The following CARMIL1 variants were observed in gnomAD, a reference collection of about 807,000 sequenced individuals.
The protein encoded by CARMIL1 is F-actin-uncapping protein LRRC16A.
A neutral mutation model predicts 177.1 loss-of-function variants in CARMIL1; 90 were observed. The observed-to-expected ratio is 0.51, with a 90% CI of 0.43 to 0.61. The LOEUF (loss-of-function observed/expected upper bound fraction) is 0.61. Among genes scored for constraint, CARMIL1 ranks in the 20% least tolerant of loss-of-function variants. The pLI is 0.00. For missense variants in CARMIL1, 1,380 were observed against 1,667.0 expected, an observed-to-expected ratio of 0.83 and a Z score of 3.00; for synonymous variants, 577 against 606.2, an observed-to-expected ratio of 0.95 and a Z score of 0.71.
chr6:25,394,560 G>A (rs182789274), intron 2 of CARMIL1, among the ~76,000 whole-genome samples: 1 of 152,200 alleles, frequency 6.6e-6, no homozygotes, highest in African/African-American at 2.4e-5. Context: ...TTGTGATTCA[G>A]GTTGGTTTAA....
At chr6:25,368,783 T>A (rs1341339418) in intron 2 of CARMIL1, among the ~76,000 whole-genome samples, 1 of 152,246 alleles carries the variant, frequency 6.6e-6, no homozygotes, top group Non-Finnish European at 1.5e-5. Flanking sequence ...TTGCTTTATA[T>A]ATTTTAATGT....
intron 2 of CARMIL1, among the ~76,000 whole-genome samples, chr6:25,407,733 A>C (rs148322585): frequency 6.6e-6 from 1 of 152,276 alleles, no homozygotes; most frequent in African/African-American, 2.4e-5. Flanking sequence ...TAACACATGG[A>C]GGAATGATTT....
intron 2 of CARMIL1, among the ~76,000 whole-genome samples, chr6:25,373,732 G>A (rs1490076717): frequency 1.3e-5 from 2 of 151,740 alleles, no homozygotes; most frequent in Non-Finnish European, 1.5e-5. Flanking sequence ...ACAGGCATGC[G>A]CCACTATGCC....
chr6:25,617,304 G>A (rs112242073), intron 36 of CARMIL1, among the ~76,000 whole-genome samples: 12 of 152,194 alleles, frequency 7.9e-5, no homozygotes, highest in Non-Finnish European at 1.6e-4. Context: ...TTTTTTATCT[G>A]TGACATAAAC....
chr6:25,577,034 A>G lies in CARMIL1; in HGVS notation c.2743-3890A>G. 1.0e-6 allele frequency: 1 copy of G among 984,996 alleles called. No homozygotes were observed. Among genetic ancestry groups the G allele is most frequent in the Non-Finnish European group, 1.2e-6 (1 of 829,820 alleles). The allele number at this position is 984,996 out of a possible 1,614,324, so 61.0% of individuals were successfully genotyped here. ...TGGCTCTGCGGTTTCTGGCTGTACTACTTTATATTCTTGTGCTCCATTTGC... is the reference window on the plus strand; with the variant it reads ...TGGCTCTGCGGTTTCTGGCTGTACTGCTTTATATTCTTGTGCTCCATTTGC... On this transcript the variant is annotated intron_variant, in intron 29 of 36. Coordinates refer to ENST00000329474, the MANE Select transcript of CARMIL1 (RefSeq NM_017640.6). The surrounding 1 kb of genome is among the most constrained non-coding windows in gnomAD (Gnocchi z 4.5).
At chr6:25,389,618 C>G (rs1792545702) in intron 2 of CARMIL1, among the ~76,000 whole-genome samples, 1 of 152,148 alleles carries the variant, frequency 6.6e-6, no homozygotes, top group Non-Finnish European at 1.5e-5. Context: ...TGAAACATGA[C>G]TAATGATGCC....
At chr6:25,514,168 C>T (rs1175326394) in intron 20 of CARMIL1, among the ~76,000 whole-genome samples, 1 of 152,172 alleles carries the variant, frequency 6.6e-6, no homozygotes, top group Non-Finnish European at 1.5e-5. Context: ...TGCCTTTAGG[C>T]TGCGTGGCTT....
Position 25,425,277 on chromosome 6 carries a change from C to A in CARMIL1, c.190-1224C>A, listed in dbSNP as rs376136945. On this transcript the variant is annotated intron_variant, in intron 3 of 36. Transcript: ENST00000329474. ...AATGAATGAGTTCTCTTTCTACTTC[C>A]AGAGCTCATCAGTATACTTCATGTT... is the stretch of plus-strand genomic sequence containing the variant. Among the ~76,000 whole-genome samples the A allele has an allele frequency of 2.6e-5, 4 of 152,092 alleles. No individual in the cohort carries two copies. The East Asian group carries it at 7.7e-4, about 29-fold the overall frequency.
At position 25,556,686 on chromosome 6, in the gene CARMIL1, G is replaced by GT. The variant is rs1562282369; in HGVS notation, c.2593-14dup. 1 of 1,608,272 alleles carries GT rather than the reference G, an allele frequency of 6.2e-7. No homozygotes were observed. Among genetic ancestry groups the GT allele is most frequent in the Admixed American group, 1.7e-5 (1 of 58,406 alleles). ...TGTACTTTAATTTCTCCTCGTACAC[G>GT]TCTTGACCTTCTAGGCTGACCATTT... On this transcript the variant is annotated splice_polypyrimidine_tract_variant and intron_variant, in intron 28 of 36. Coordinates refer to ENST00000329474, the MANE Select transcript of CARMIL1 (RefSeq NM_017640.6).
At chr6:25,613,559 A>G (rs927030850) in intron 36 of CARMIL1, among the ~76,000 whole-genome samples, 4 of 152,236 alleles carry the variant, frequency 2.6e-5, no homozygotes, top group African/African-American at 9.6e-5. Context: ...GACAAAAAGA[A>G]GACAGATTTC....
At chr6:25,280,517 A>G (rs193087018) in intron 1 of CARMIL1, among the ~76,000 whole-genome samples, 1 of 151,480 alleles carries the variant, frequency 6.6e-6, no homozygotes, top group Admixed American at 6.6e-5. Context: ...GATTCTCCCT[A>G]TAGGGGATCT....
chr6:25,365,115 A>G (rs1414760192), intron 2 of CARMIL1, among the ~76,000 whole-genome samples: 1 of 152,192 alleles, frequency 6.6e-6, no homozygotes, highest in African/African-American at 2.4e-5. Flanking sequence ...AGCTTGGATC[A>G]CATTATTATT....
intron 13 of CARMIL1, 121 bp from the exon 14 acceptor site, chr6:25,491,611 C>G: frequency 1.7e-6 from 1 of 589,104 alleles, no homozygotes; most frequent in East Asian, 2.9e-5. Flanking sequence ...TGATAATCCC[C>G]TTGGGAAGAG....
At chr6:25,538,036 A>G in intron 25 of CARMIL1, 53 bp downstream of exon 25, 3 of 1,511,268 alleles carry the variant, frequency 2.0e-6, no homozygotes, top group Non-Finnish European at 2.6e-6. Context: ...AACGTTTCAT[A>G]AAATTTAGTT....
intron 1 of CARMIL1, among the ~76,000 whole-genome samples, chr6:25,282,115 CAAAAAA>C (rs55943273): frequency 1.2e-5 from 1 of 81,792 alleles, no homozygotes; most frequent in Non-Finnish European, 2.4e-5. Flanking sequence ...AACTCCATCT[CAAAAAA>C]AAAAAAAAAA....
At chr6:25,448,194 C>T (rs577183320) in intron 5 of CARMIL1, among the ~76,000 whole-genome samples, 1 of 152,264 alleles carries the variant, frequency 6.6e-6, no homozygotes, top group East Asian at 1.9e-4. Context: ...GATATTTGTT[C>T]ACAGTGCCCA....
intron 2 of CARMIL1, among the ~76,000 whole-genome samples, chr6:25,299,747 G>A (rs1317913487): frequency 6.6e-6 from 1 of 151,904 alleles, no homozygotes; most frequent in African/African-American, 2.4e-5. Context: ...AGGCCGAGGC[G>A]AGCGGATCAC....
chr6:25,525,931 A>G (rs1807051579), intron 23 of CARMIL1, among the ~76,000 whole-genome samples: 1 of 152,110 alleles, frequency 6.6e-6, no homozygotes, highest in Non-Finnish European at 1.5e-5. Context: ...TAATAGATAG[A>G]AAACAGTTAC....
rs1173095178 is a variant in CARMIL1 at position 25,287,528 on chromosome 6, C to T, written c.138+2619C>T. On this transcript the variant is annotated intron_variant, in intron 2 of 36. Transcript: ENST00000329474. ...AGTTGTAAACACCCCTACACTCAGA[C>T]CAGCCATGATCATAATAGCTAATAT... 3 of 152,924 alleles carry T rather than the reference C, an allele frequency of 2.0e-5. No individual in the cohort carries two copies. The Admixed American group carries it at 2.0e-4, about 10-fold the overall frequency. The allele number at this position is 152,924 out of a possible 1,614,324, so 9.5% of individuals were successfully genotyped here.
Sources: allele counts gnomAD v4.1 joint callset (sites outside exome capture counted in the v4.1 genomes callset), GRCh38; gene constraint gnomAD v4.1.1; non-coding constraint Gnocchi (gnomAD v3.1); transcripts MANE v1.5; gene names NCBI Gene and HGNC (gene_info 2026-07-23, HGNC 2026-07-21).